ANK2: variants seen among roughly 807,000 people sequenced by gnomAD.
The protein encoded by ANK2 is ankyrin 2.
A neutral mutation model predicts 360.5 loss-of-function variants in ANK2; 83 were observed. The ratio of observed to expected loss-of-function variants is 0.23; its 90% CI spans 0.19 to 0.28. The LOEUF (loss-of-function observed/expected upper bound fraction) is 0.28, where lower values mean the gene tolerates loss of function less well. ANK2 is among the 10% of genes least tolerant of loss of function. ANK2 has a pLI of 1.00. For synonymous variants in ANK2, 1,740 were observed against 1,759.5 expected (o/e 0.99, Z 0.28); for missense variants, 4,201 against 4,795.7 (o/e 0.88, Z 3.66).
At chr4:112,908,979 T>C (rs1224196974) in intron 2 of ANK2, among the ~76,000 whole-genome samples, 2 of 152,196 alleles carry the variant, frequency 1.3e-5, no homozygotes, top group Admixed American at 6.5e-5. Flanking sequence ...TATGAAATCA[T>C]ATGGACCAGA....
chr4:113,352,277 C>T (rs2095460735), intron 37 of ANK2, among the ~76,000 whole-genome samples: 1 of 152,156 alleles, frequency 6.6e-6, no homozygotes, highest in Admixed American at 6.5e-5. Flanking sequence ...AGTTTAATCA[C>T]AATTGTTGTT....
At chr4:113,349,552 T>C (rs575375795) in intron 36 of ANK2, among the ~76,000 whole-genome samples, 1 of 151,958 alleles carries the variant, frequency 6.6e-6, no homozygotes, top group East Asian at 1.9e-4. Flanking sequence ...CACATAGCCA[T>C]ATACACAATC....
chr4:113,092,636 C>A (rs7683536), intron 1 of ANK2, among the ~76,000 whole-genome samples: 4 of 151,934 alleles, frequency 2.6e-5, no homozygotes, highest in Admixed American at 2.6e-4. Flanking sequence ...TTGCTACTTA[C>A]TACATGTTGA....
At chr4:113,277,811 T>A (rs1389631433) in intron 15 of ANK2, 26 bp from the exon 16 acceptor site, 3 of 1,557,564 alleles carry the variant, frequency 1.9e-6, no homozygotes, top group Non-Finnish European at 2.7e-6. Context: ...TAAATACGAT[T>A]TTACTTTTGT....
chr4:113,231,201 G>T (rs1302666310), intron 4 of ANK2, among the ~76,000 whole-genome samples: 1 of 151,920 alleles, frequency 6.6e-6, no homozygotes, highest in African/African-American at 2.4e-5. Flanking sequence ...ACAGGCATGT[G>T]CCACCACGCC....
chr4:112,978,937 CAT>C (rs2042260820), intron 2 of ANK2, among the ~76,000 whole-genome samples: 2 of 152,232 alleles, frequency 1.3e-5, no homozygotes, highest in Admixed American at 6.5e-5. Flanking sequence ...AGATCACTAA[CAT>C]GTGAGCTTGA....
chr4:113,061,591 T>C (rs1359063615), intron 1 of ANK2, among the ~76,000 whole-genome samples: 2 of 152,096 alleles, frequency 1.3e-5, no homozygotes, highest in African/African-American at 4.8e-5. Context: ...CACACGCACT[T>C]ACATTATTCT....
chr4:113,025,229 C>T (rs1315552860), intron 2 of ANK2, among the ~76,000 whole-genome samples: 7 of 152,118 alleles, frequency 4.6e-5, no homozygotes, highest in African/African-American at 1.7e-4. Flanking sequence ...TGTTGCTGCT[C>T]TTTTGTTTTT....
chr4:112,727,707 C>T, the ANK2 span, among the ~76,000 whole-genome samples: 1 of 152,124 alleles, frequency 6.6e-6, no homozygotes, highest in African/African-American at 2.4e-5. Context: ...GCCTGTAATC[C>T]TGTAATCAGG....
chr4:112,830,592 C>T (rs992215990), intron 1 of ANK2, among the ~76,000 whole-genome samples: 1 of 151,250 alleles, frequency 6.6e-6, no homozygotes, highest in Non-Finnish European at 1.5e-5. Context: ...TACACCAAAC[C>T]CCTGTAACAT....
At chr4:113,067,559 T>A (rs1268825912) in intron 1 of ANK2, among the ~76,000 whole-genome samples, 1 of 152,272 alleles carries the variant, frequency 6.6e-6, no homozygotes, top group East Asian at 1.9e-4. Flanking sequence ...TTAGGAACCA[T>A]CAGCATGGTG....
rs2094791831 is a variant in ANK2 at position 113,345,881 on chromosome 4, T to C, written c.4249-19T>C. 1.2e-6 allele frequency: 2 copies of C among 1,613,096 alleles called. No individual in the cohort carries two copies. Among genetic ancestry groups the C allele is most frequent in the Middle Eastern group, 1.7e-4 (1 of 6,052 alleles). On this transcript the variant is annotated intron_variant, in intron 34 of 45. Transcript: ENST00000357077. ...GCAAATCAAATGTGGGTGAAGCATG[T>C]ATGTCTTTCTTGTTCAAGGTACGCG...
In ANK2 at chr4:113,367,623, A is replaced by C; in HGVS notation, c.11090A>C (p.Gln3697Pro). The C allele has an allele frequency of 6.2e-7, 1 of 1,613,906 alleles. No homozygotes were observed. The highest frequency in any genetic ancestry group is 8.5e-7 in the Non-Finnish European group (1 of 1,179,974). ...GCACAGCACAAGCAGAAAGAGGAGC[A>C]AGCTGTTTCTAAAGAAAGTGAGACC... ...CTAQHKQKEE[Q>P]AVSKESETCD... is the part of the protein sequence containing the mutation. The change falls in exon 42 of 46, where the codon CAA becomes CCA. Residue 3697 changes from glutamine to proline, a missense_variant. By Grantham distance (76) the Gln-to-Pro change is moderately conservative (BLOSUM62 -1). Around this residue, in one of 4 missense-constraint regions of ANK2, gnomAD observed 2,642 missense variants for 2,714.5 expected, o/e 0.97. Coordinates refer to ENST00000357077, the MANE Select transcript of ANK2 (RefSeq NM_001148.6).
chr4:112,752,813 GCGC>G, the ANK2 span, among the ~76,000 whole-genome samples: 2 of 152,078 alleles, frequency 1.3e-5, no homozygotes, highest in African/African-American at 4.8e-5. Flanking sequence ...CTACAGGCAT[GCGC>G]CACGATACCT....
At chr4:112,997,853 A>T (rs541536074) in intron 2 of ANK2, among the ~76,000 whole-genome samples, 226 of 151,516 alleles carry the variant, frequency 1.5e-3, no homozygotes, top group Middle Eastern at 3.4e-3. Context: ...ATATATACAC[A>T]CACACATATA....
At chr4:112,864,976 G>T (rs1348833859) in intron 1 of ANK2, among the ~76,000 whole-genome samples, 1 of 135,514 alleles carries the variant, frequency 7.4e-6, no homozygotes, top group Admixed American at 8.4e-5. Flanking sequence ...AGCTTGCAGT[G>T]AGCCGAGATC....
intron 2 of ANK2, among the ~76,000 whole-genome samples, chr4:113,191,169 G>A (rs577644979): frequency 7.2e-5 from 11 of 152,124 alleles, no homozygotes; most frequent in East Asian, 1.9e-4. Context: ...GTGAAACCCC[G>A]TCTCTACTAA....
At chr4:112,760,232 G>C in the ANK2 span, among the ~76,000 whole-genome samples, 20 of 149,866 alleles carry the variant, frequency 1.3e-4, no homozygotes, top group South Asian at 4.2e-4. Context: ...TGTTGTCCGG[G>C]CTGGAGTTCA....
chr4:112,880,096 ACT>A (rs2076303067), intron 1 of ANK2, among the ~76,000 whole-genome samples: 1 of 151,968 alleles, frequency 6.6e-6, no homozygotes, highest in Admixed American at 6.6e-5. Context: ...ACACACATAT[ACT>A]CTCTTACAGC....
Sources: gnomAD v4.1 joint callset for allele counts (sites outside exome capture counted in the v4.1 genomes callset) on GRCh38, gnomAD v4.1.1 for gene constraint, gnomAD v4.1.1 regional missense constraint, MANE v1.5 for transcripts, NCBI Gene and HGNC (gene_info 2026-07-23, HGNC 2026-07-21) for gene names.